VOPP1: variants seen among roughly 807,000 people sequenced by gnomAD.
VOPP1 encodes the protein VOPP1 WW domain binding protein.
A neutral mutation model predicts 23.5 loss-of-function variants in VOPP1; 8 were observed. The ratio of observed to expected loss-of-function variants is 0.34; its 90% confidence interval spans 0.20 to 0.61. VOPP1 has a LOEUF of 0.61. Among genes scored for constraint, VOPP1 ranks in the 20% least tolerant of loss-of-function variants. The pLI is 0.78. For missense variants in VOPP1, 174 were observed against 238.1 expected, an observed-to-expected ratio of 0.73 and a Z score of 1.77; for synonymous variants, 83 against 97.3, an observed-to-expected ratio of 0.85 and a Z score of 0.86.
chr7:55,490,659 A>T (rs796219877), intron 4 of VOPP1, among the ~76,000 whole-genome samples: 17 of 152,320 alleles, frequency 1.1e-4, no homozygotes, highest in African/African-American at 3.6e-4. Flanking sequence ...AGACCCAGTG[A>T]GTGGCGGCTT....
intron 1 of VOPP1, chr7:55,521,567 G>A (rs1795858262): frequency 1.6e-5 from 16 of 990,254 alleles, no homozygotes; most frequent in Non-Finnish European, 1.7e-5. Flanking sequence ...TGCTAAAGCC[G>A]CATTCCGACC....
intron 4 of VOPP1, among the ~76,000 whole-genome samples, chr7:55,487,985 C>T (rs1793271074): frequency 6.6e-6 from 1 of 152,222 alleles, no homozygotes; most frequent in Non-Finnish European, 1.5e-5. Flanking sequence ...CACCCTCCAC[C>T]TGTGTGAACA....
intron 1 of VOPP1, among the ~76,000 whole-genome samples, chr7:55,571,246 C>T (rs963989471): frequency 6.6e-6 from 1 of 152,220 alleles, no homozygotes; most frequent in Non-Finnish European, 1.5e-5. Context: ...GTCCACCAGC[C>T]TTCCTTTCAG....
intron 4 of VOPP1, among the ~76,000 whole-genome samples, chr7:55,463,639 C>A (rs1791562290): frequency 6.6e-6 from 1 of 152,114 alleles, no homozygotes; most frequent in African/African-American, 2.4e-5. Context: ...CCAGGTGGGG[C>A]AGTCTTTGGG....
chr7:55,489,630 C>T (rs1793417597), intron 4 of VOPP1, among the ~76,000 whole-genome samples: 1 of 152,186 alleles, frequency 6.6e-6, no homozygotes, highest in Admixed American at 6.5e-5. Flanking sequence ...CTGCAGGCGC[C>T]TCAGCAGGTG....
intron 4 of VOPP1, among the ~76,000 whole-genome samples, chr7:55,448,172 C>T (rs775802487): frequency 2.6e-5 from 4 of 152,062 alleles, no homozygotes; most frequent in Admixed American, 2.0e-4. Context: ...CAGTATTTTA[C>T]TCTGAGGAAA....
At chr7:55,534,929 C>T (rs1401268367) in intron 1 of VOPP1, among the ~76,000 whole-genome samples, 1 of 152,264 alleles carries the variant, frequency 6.6e-6, no homozygotes, top group African/African-American at 2.4e-5. Flanking sequence ...ATTCCTGCCA[C>T]ACCACAAAGG....
chr7:55,525,179 C>T lies in VOPP1; in HGVS notation c.55-4049G>A, dbSNP rs117626673. Among the ~76,000 whole-genome samples the T allele has an allele frequency of 2.4e-3, 373 of 152,252 alleles. 3 individuals are homozygous for T. Among genetic ancestry groups the T allele is most frequent in the East Asian group, 0.022 (112 of 5,160 alleles). On this transcript the variant is annotated intron_variant, in intron 1 of 4. Transcript: ENST00000285279. ...ACACCGCCAGCCAGTCTGGGTCTCA[C>T]TCTCCTCGTTTGTAAGAGTACAGAC...
chr7:55,564,101 A>T (rs576045245), intron 1 of VOPP1, among the ~76,000 whole-genome samples: 1 of 152,332 alleles, frequency 6.6e-6, no homozygotes, highest in South Asian at 2.1e-4. Context: ...AGCTGCCCTT[A>T]GGCTATAGGA....
At chr7:55,564,243 G>GTCTCTCTCTCTCTCTCTC (rs71561947) in intron 1 of VOPP1, among the ~76,000 whole-genome samples, 11,984 of 125,790 alleles carry the variant, frequency 0.095, 936 homozygotes, top group Admixed American at 0.13. Flanking sequence ...CTCTGTCTCT[G>GTCTCTCTCTCTCTCTCTC]TCTCTCTCTC....
intron 1 of VOPP1, among the ~76,000 whole-genome samples, chr7:55,570,712 C>A (rs1798319614): frequency 6.6e-6 from 1 of 152,106 alleles, no homozygotes; most frequent in Admixed American, 6.5e-5. Context: ...GAGGCCGAGG[C>A]GGGCGGATCA....
intron 2 of VOPP1, among the ~76,000 whole-genome samples, chr7:55,515,021 G>A (rs1389762191): frequency 1.3e-5 from 2 of 152,104 alleles, no homozygotes; most frequent in Non-Finnish European, 2.9e-5. Flanking sequence ...GGAGCCTCCC[G>A]AGGTCTCTGT....
chr7:55,567,875 G>T (rs1798214128), intron 1 of VOPP1, among the ~76,000 whole-genome samples: 1 of 152,088 alleles, frequency 6.6e-6, no homozygotes, highest in African/African-American at 2.4e-5. Context: ...TGGCAGCCAG[G>T]GACTGCCACA....
chr7:55,492,734 G>A (rs1351852109), intron 3 of VOPP1: 4 of 231,122 alleles, frequency 1.7e-5, no homozygotes, highest in African/African-American at 6.8e-5. Context: ...TCACTTCCTC[G>A]TCCACGGCTC....
At chr7:55,474,069 C>T (rs916022357) in intron 4 of VOPP1, among the ~76,000 whole-genome samples, 1 of 152,354 alleles carries the variant, frequency 6.6e-6, no homozygotes, top group South Asian at 2.1e-4. Context: ...AACAGAAGCA[C>T]AGGCCAGGCC....
chr7:55,476,437 T>TGGGGGGGGGGGGGGGGGGGGGGGG (rs200924383), intron 4 of VOPP1, among the ~76,000 whole-genome samples: 1 of 20,694 alleles, frequency 4.8e-5, no homozygotes, highest in Non-Finnish European at 1.1e-4. Context: ...GTCGGGGGGG[T>TGGGGGGGGGGGGGGGGGGGGGGGG]GGGCGGGGGG....
chr7:55,500,037 A>G (rs1428593326), intron 2 of VOPP1, among the ~76,000 whole-genome samples: 1 of 152,148 alleles, frequency 6.6e-6, no homozygotes, highest in African/African-American at 2.4e-5. Flanking sequence ...ACTGTAAACT[A>G]AAAGAGGTGG....
chr7:55,448,713 A>G (rs1562880000), intron 4 of VOPP1, among the ~76,000 whole-genome samples: 1 of 152,216 alleles, frequency 6.6e-6, no homozygotes, highest in Non-Finnish European at 1.5e-5. Context: ...TGGGGGACTC[A>G]GGTCTCCCGC....
intron 1 of VOPP1, among the ~76,000 whole-genome samples, chr7:55,565,248 G>C (rs73141727): frequency 6.6e-6 from 1 of 152,080 alleles, no homozygotes; most frequent in Admixed American, 6.5e-5. Context: ...TCACCTTCGC[G>C]TTTAGACACC....
Sources: gnomAD v4.1 joint callset for allele counts (sites outside exome capture counted in the v4.1 genomes callset) on GRCh38, gnomAD v4.1.1 for gene constraint, MANE v1.5 for transcripts, NCBI Gene and HGNC (gene_info 2026-07-23, HGNC 2026-07-21) for gene names.